Variants in KCNH1 observed in about 807,000 individuals in gnomAD.
KCNH1 encodes the protein potassium voltage-gated channel subfamily H member 1.
Under a neutral mutation model 69.2 loss-of-function variants are expected in KCNH1, and 27 were observed. That is an observed-to-expected ratio of 0.39 (90% confidence interval 0.29 to 0.54). The LOEUF (loss-of-function observed/expected upper bound fraction) is 0.54, where lower values mean the gene tolerates loss of function less well. KCNH1 is among the 20% of genes least tolerant of loss of function. KCNH1 has a pLI of 0.68. For synonymous variants in KCNH1, 456 were observed against 487.7 expected (o/e 0.93, Z 0.86); for missense variants, 798 against 1,261.6 (o/e 0.63, Z 5.57).
chr1:211,047,167 A>C (rs888057773), intron 5 of KCNH1, among the ~76,000 whole-genome samples: 18 of 152,142 alleles, frequency 1.2e-4, no homozygotes, highest in Admixed American at 3.3e-4. Flanking sequence ...GCCACATCTC[A>C]ATTGCTTAAT....
intron 10 of KCNH1, among the ~76,000 whole-genome samples, chr1:210,712,176 T>TCTCCATA (rs777859622): frequency 5.9e-5 from 9 of 152,154 alleles, no homozygotes; most frequent in Non-Finnish European, 1.3e-4. Context: ...TAATCGTACA[T>TCTCCATA]CTCCAGAATC....
intron 7 of KCNH1, among the ~76,000 whole-genome samples, chr1:210,816,361 C>T (rs1308428993): frequency 2.0e-5 from 3 of 152,198 alleles, no homozygotes; most frequent in Admixed American, 6.5e-5. Flanking sequence ...AATAAAACAA[C>T]AGCTCCTGCT....
chr1:210,685,915 A>G (rs1009053918), intron 10 of KCNH1, among the ~76,000 whole-genome samples: 1 of 152,218 alleles, frequency 6.6e-6, no homozygotes, highest in Non-Finnish European at 1.5e-5. Flanking sequence ...GCCCACGTCT[A>G]TGCTCTAACT....
chr1:210,684,804 A>G (rs73067424), intron 10 of KCNH1, among the ~76,000 whole-genome samples: 178 of 152,358 alleles, frequency 1.2e-3, no homozygotes, highest in African/African-American at 4.1e-3. Flanking sequence ...TGTCCTAACA[A>G]TAATACCCAT....
Position 210,846,266 on chromosome 1 carries a change from C to T in KCNH1, c.1463-42100G>A, listed in dbSNP as rs559088718. ...TATGGAACCAAAAAAGAGCCCGCAT[C>T]GCCAAGTCAATCCTAAGCCAAAAGA... is the stretch of plus-strand genomic sequence containing the variant. On this transcript the variant is annotated intron_variant, in intron 7 of 10. Coordinates refer to ENST00000271751, the MANE Select transcript of KCNH1 (RefSeq NM_172362.3). Among the ~76,000 whole-genome samples, 789 of 152,222 alleles carry T rather than the reference C, an allele frequency of 5.2e-3. 9 individuals carry two copies. The highest frequency in any genetic ancestry group is 0.018 in the African/African-American group (746 of 41,546).
At chr1:210,802,396 T>C (rs964189190) in intron 8 of KCNH1, among the ~76,000 whole-genome samples, 32 of 152,222 alleles carry the variant, frequency 2.1e-4, no homozygotes, top group African/African-American at 7.7e-4. Context: ...TCATGTTATC[T>C]TTCTGTTTTC....
In KCNH1 at chr1:210,981,372, C is replaced by CAAAAAAAAAAAAAAA. The variant is rs10684074; in HGVS notation, c.1032+37396_1032+37410dup. 4.7e-5 allele frequency among the ~76,000 whole-genome samples: 4 copies of CAAAAAAAAAAAAAAA among 85,492 alleles called. 1 individual carries two copies. The highest frequency in any genetic ancestry group is 8.5e-5 in the Non-Finnish European group (4 of 46,822). 56.1% of individuals were successfully genotyped at this position (85,492 alleles called of 152,430 possible). ...AATGAGTCATTAGAAGTAACAACGACAAAAAAAAAAAAAAAAAAAAGAATC... is the reference window on the plus strand; with the variant it reads ...AATGAGTCATTAGAAGTAACAACGACAAAAAAAAAAAAAAAAAAAAAAAAAAAAAAAAAAAGAATC... On this transcript the variant is annotated intron_variant, in intron 6 of 10. Coordinates refer to ENST00000271751, the MANE Select transcript of KCNH1 (RefSeq NM_172362.3).
intron 10 of KCNH1, among the ~76,000 whole-genome samples, chr1:210,769,192 T>C (rs969019367): frequency 6.6e-6 from 1 of 152,226 alleles, no homozygotes; most frequent in African/African-American, 2.4e-5. Context: ...TTTAAGTACC[T>C]AGCTTTATGG....
intron 7 of KCNH1, among the ~76,000 whole-genome samples, chr1:210,821,863 G>A (rs866827548): frequency 6.6e-6 from 1 of 150,594 alleles, no homozygotes; most frequent in African/African-American, 2.5e-5. Context: ...AAGAGATGGG[G>A]TCTTACTCTG....
chr1:211,100,198 C>T (rs1282819527), intron 3 of KCNH1, among the ~76,000 whole-genome samples: 1 of 152,028 alleles, frequency 6.6e-6, no homozygotes, highest in Non-Finnish European at 1.5e-5. Flanking sequence ...TGATGACATA[C>T]TTACCCTGCT....
intron 3 of KCNH1, among the ~76,000 whole-genome samples, chr1:211,099,305 GT>G (rs900204868): frequency 4.0e-5 from 6 of 150,660 alleles, no homozygotes; most frequent in East Asian, 3.9e-4. Flanking sequence ...TCTGTTGGGT[GT>G]TTTTTTTTCT....
At chr1:210,881,485 T>G (rs904331578) in intron 7 of KCNH1, among the ~76,000 whole-genome samples, 2 of 152,202 alleles carry the variant, frequency 1.3e-5, no homozygotes, top group Non-Finnish European at 2.9e-5. Context: ...AAACATACTC[T>G]TACTATACAA....
rs567773792 is a variant in KCNH1, at chr1:210,859,629, A to G, written c.1463-55463T>C. 809 of 1,359,154 alleles carry G rather than the reference A, an allele frequency of 6.0e-4. 3 individuals carry two copies. Among genetic ancestry groups the G allele is most frequent in the Non-Finnish European group, 6.8e-4 (644 of 947,672 alleles). 84.2% of individuals were successfully genotyped at this position (1,359,154 alleles called of 1,614,324 possible). A position where few individuals can be genotyped will look rare whatever the true frequency, so the allele number is the denominator to read the frequency against. On this transcript the variant is annotated intron_variant, in intron 7 of 10. Transcript: ENST00000271751. ...CATCATATTCAGCTTCATCATCATC[A>G]CTGTCATTCTTGTGTTCTGCATGGC...
chr1:210,881,494 A>G (rs958763723), intron 7 of KCNH1, among the ~76,000 whole-genome samples: 21 of 152,180 alleles, frequency 1.4e-4, no homozygotes, highest in African/African-American at 5.1e-4. Flanking sequence ...CTTACTATAC[A>G]ATCCAGCAAT....
At chr1:210,968,712 GTTGT>G (rs753835600) in intron 6 of KCNH1, among the ~76,000 whole-genome samples, 102 of 151,558 alleles carry the variant, frequency 6.7e-4, no homozygotes, top group Non-Finnish European at 1.3e-3. Context: ...TTTTGATGGG[GTTGT>G]TTGTTTTTTT....
Position 210,719,711 on chromosome 1 carries a change from TA to T in KCNH1, c.2113-35574del, listed in dbSNP as rs763824649. Among the ~76,000 whole-genome samples the T allele has an allele frequency of 5.7e-4, 85 of 148,562 alleles. No homozygotes were observed. The East Asian group carries it at 8.2e-3, about 14-fold the overall frequency. On this transcript the variant is annotated intron_variant, in intron 10 of 10. Transcript: ENST00000271751. Reference sequence around the variant, plus strand: ...ATGTATCTCAGAACTTAAAGTAAAATAAAAAAAAAATAAGATCATTTTTCTT... The same window carrying T: ...ATGTATCTCAGAACTTAAAGTAAAATAAAAAAAAATAAGATCATTTTTCTT...
chr1:211,114,960 G>GTTTGTTT lies in KCNH1; in HGVS notation c.80-7590_80-7584dup, dbSNP rs536459880. ...GGGTGTGGGAGTTGGTTTTTTGTTT[G>GTTTGTTT]TTTGTTTTTTGTTTTTTGTTTTTTT... On this transcript the variant is annotated intron_variant, in intron 1 of 10. Coordinates refer to ENST00000271751, the MANE Select transcript of KCNH1 (RefSeq NM_172362.3). 4.2e-3 allele frequency among the ~76,000 whole-genome samples: 632 copies of GTTTGTTT among 151,966 alleles called. 2 individuals carry two copies. The highest frequency in any genetic ancestry group is 0.014 in the African/African-American group (595 of 41,440).
chr1:211,079,658 T>C (rs1221120472), intron 5 of KCNH1, among the ~76,000 whole-genome samples: 1 of 152,196 alleles, frequency 6.6e-6, no homozygotes, highest in African/African-American at 2.4e-5. Flanking sequence ...CAAGGCTGGT[T>C]CAACATATGC....
intron 7 of KCNH1, among the ~76,000 whole-genome samples, chr1:210,880,593 G>A (rs1416810955): frequency 1.3e-5 from 2 of 152,100 alleles, no homozygotes. Flanking sequence ...ACTCAAAATA[G>A]ATTAAAGACT....
Sources: allele counts gnomAD v4.1 joint callset (sites outside exome capture counted in the v4.1 genomes callset), GRCh38; gene constraint gnomAD v4.1.1; transcripts MANE v1.5; gene names NCBI Gene and HGNC (gene_info 2026-07-23, HGNC 2026-07-21).